ATAD2: variants seen among roughly 807,000 people sequenced by gnomAD.
ATAD2 encodes the protein ATPase family AAA domain-containing protein 2.
ATAD2 carries 62 observed loss-of-function variants against 168.9 expected under a neutral mutation model. The ratio of observed to expected loss-of-function variants is 0.37; its 90% confidence interval spans 0.30 to 0.45. ATAD2 has a LOEUF of 0.45. Ranked by LOEUF, ATAD2 falls within the 20% of genes least tolerant of loss-of-function variation. The probability of loss-of-function intolerance (pLI) is 1.00; values close to 1 mark genes in which losing one functional copy is unlikely to be tolerated. For synonymous variants in ATAD2, 613 were observed against 571.6 expected (o/e 1.07, Z -1.03); for missense variants, 1,419 against 1,667.8 (o/e 0.85, Z 2.60).
chr8:123,325,986 C>G lies in ATAD2; in HGVS notation c.3909G>C (p.Gln1303His). The G allele has an allele frequency of 6.2e-7, 1 of 1,614,100 alleles. No homozygotes were observed. The highest frequency in any genetic ancestry group is 1.1e-5 in the South Asian group (1 of 91,084). Residue 1303 changes from glutamine to histidine, a missense_variant, in exon 26 of 28, where the codon CAG becomes CAC. Gln to His is a conservative substitution (Grantham distance 24). Transcript: ENST00000287394. Reference sequence around the variant, plus strand: ...CAGTGATGAGCTGCTGCTGTTCTACCTGGGAACGTCTAGCTCGAGTCATTC... The same window carrying G: ...CAGTGATGAGCTGCTGCTGTTCTACGTGGGAACGTCTAGCTCGAGTCATTC... ...VLRMTRARRS[Q>H]VEQQQLITVE...
intron 8 of ATAD2, among the ~76,000 whole-genome samples, chr8:123,367,811 A>G (rs1163569031): frequency 6.6e-6 from 1 of 152,230 alleles, no homozygotes; most frequent in East Asian, 1.9e-4. Context: ...CAATGAAATG[A>G]AAAGACCTAG....
chr8:123,399,794 C>T (rs547786865), upstream of ATAD2, among the ~76,000 whole-genome samples: 180 of 151,812 alleles, frequency 1.2e-3, no homozygotes, highest in Admixed American at 3.2e-3. Context: ...GCAGAGGTTG[C>T]GGTGAGCCGA....
At chr8:123,359,513 TAAC>T in intron 10 of ATAD2, 61 bp downstream of exon 10, 1 of 1,455,708 alleles carries the variant, frequency 6.9e-7, no homozygotes, top group Admixed American at 2.2e-5. Flanking sequence ...TTCCTTTTTT[TAAC>T]TTTAAAACTA....
At chr8:123,347,578 G>A (rs889713356) in intron 15 of ATAD2, among the ~76,000 whole-genome samples, 172 bp from the exon 16 acceptor site, 1 of 152,030 alleles carries the variant, frequency 6.6e-6, no homozygotes, top group Non-Finnish European at 1.5e-5. Context: ...AAACTTATAG[G>A]GTAGTAATGG....
chr8:123,355,710 G>T (rs1378073115), intron 13 of ATAD2, among the ~76,000 whole-genome samples: 1 of 152,132 alleles, frequency 6.6e-6, no homozygotes, highest in Non-Finnish European at 1.5e-5. Context: ...TCAAGTCTGG[G>T]TAAGCTTCTG....
chr8:123,344,749 C>T (rs994604754), intron 19 of ATAD2, 135 bp downstream of exon 19: 2 of 926,158 alleles, frequency 2.2e-6, no homozygotes, highest in African/African-American at 1.6e-5. Context: ...CAAATAGTTA[C>T]CAATGGTATA....
chr8:123,359,781 A>C (rs1828757160), intron 9 of ATAD2, 96 bp from the exon 10 acceptor site: 1 of 842,760 alleles, frequency 1.2e-6, no homozygotes, highest in Admixed American at 3.1e-5. Flanking sequence ...TTAAAAAAAA[A>C]ATCTAAATTT....
rs554859900 is a variant in ATAD2, at chr8:123,345,586, G to A, written c.2532+500C>T. On this transcript the variant is annotated intron_variant, in intron 18 of 27. Transcript: ENST00000287394. ...AGTCCCAGCTACTCGGGAGGCTAAG[G>A]CAGGAGAATTGCTTGAACCCGGAAG... Among the ~76,000 whole-genome samples the A allele has an allele frequency of 2.6e-3, 392 of 151,388 alleles. 3 individuals carry two copies. The highest frequency in any genetic ancestry group is 9.2e-3 in the African/African-American group (375 of 40,752).
intron 26 of ATAD2, among the ~76,000 whole-genome samples, chr8:123,323,912 GAATTT>G (rs1219140441): frequency 5.9e-5 from 9 of 152,116 alleles, no homozygotes; most frequent in African/African-American, 1.4e-4. Context: ...TCTCAGTAAT[GAATTT>G]AATTGACTCT....
chr8:123,381,329 T>C (rs374583179), intron 1 of ATAD2, among the ~76,000 whole-genome samples: 207 of 152,014 alleles, frequency 1.4e-3, no homozygotes, highest in African/African-American at 4.8e-3. Context: ...CAAAACCCCA[T>C]CTCTACTAAA....
At chr8:123,353,179 A>T (rs1828528539) in intron 13 of ATAD2, among the ~76,000 whole-genome samples, 1 of 152,052 alleles carries the variant, frequency 6.6e-6, no homozygotes, top group African/African-American at 2.4e-5. Flanking sequence ...GCTTGGCCAA[A>T]ATGGCAAAAC....
chr8:123,401,596 C>A, intron 1 of ATAD2: 1 of 1,263,938 alleles, frequency 7.9e-7, no homozygotes, highest in Non-Finnish European at 1.1e-6. Flanking sequence ...TGTGGTTGCC[C>A]CCAGGGCACT....
intron 9 of ATAD2, among the ~76,000 whole-genome samples, chr8:123,360,410 C>T (rs933138381): frequency 6.6e-6 from 1 of 151,726 alleles, no homozygotes; most frequent in Non-Finnish European, 1.5e-5. Flanking sequence ...GGTGTGATCT[C>T]GGCTCGCTGC....
intron 26 of ATAD2, among the ~76,000 whole-genome samples, chr8:123,325,498 G>A (rs1827588335): frequency 6.6e-6 from 1 of 152,088 alleles, no homozygotes; most frequent in Admixed American, 6.6e-5. Flanking sequence ...GTGTTAGCCA[G>A]GATGGTCTCA....
intron 1 of ATAD2, among the ~76,000 whole-genome samples, chr8:123,407,746 G>A (rs913432936): frequency 6.6e-6 from 1 of 152,128 alleles, no homozygotes; most frequent in South Asian, 2.1e-4. Flanking sequence ...CCAGCTACTC[G>A]GGAGGCTGAG....
chr8:123,384,356 C>T (rs963472517), intron 1 of ATAD2, among the ~76,000 whole-genome samples: 2 of 152,160 alleles, frequency 1.3e-5, no homozygotes, highest in African/African-American at 4.8e-5. Flanking sequence ...AACCGATACA[C>T]AAAAACACAG....
Position 123,340,060 on chromosome 8 carries a change from T to C in ATAD2, c.2719-614A>G, listed in dbSNP as rs186693387. 7.9e-5 allele frequency among the ~76,000 whole-genome samples: 12 copies of C among 152,134 alleles called. No homozygotes were observed. The South Asian group carries it at 1.2e-3, about 16-fold the overall frequency. Reference sequence around the variant, plus strand: ...ACGCACCACCACACTCAGCTAATTTTTAAACTTTTTGTAGAGATAGGGTCT... The same window carrying C: ...ACGCACCACCACACTCAGCTAATTTCTAAACTTTTTGTAGAGATAGGGTCT... On this transcript the variant is annotated intron_variant, in intron 19 of 27. Transcript: ENST00000287394.
intron 4 of ATAD2, 86 bp downstream of exon 4, chr8:123,371,584 G>A (rs1210028601): frequency 4.0e-6 from 5 of 1,253,546 alleles, no homozygotes; most frequent in East Asian, 2.4e-5. Flanking sequence ...TGCATTAAAT[G>A]TTTGGGCTGG....
chr8:123,382,078 T>C (rs910841383), intron 1 of ATAD2, among the ~76,000 whole-genome samples: 3 of 151,838 alleles, frequency 2.0e-5, no homozygotes, highest in Non-Finnish European at 4.4e-5. Flanking sequence ...AAGATAGAAA[T>C]CAAAGTCAAA....
Sources: allele counts gnomAD v4.1 joint callset (sites outside exome capture counted in the v4.1 genomes callset), GRCh38; gene constraint gnomAD v4.1.1; transcripts MANE v1.5; gene names NCBI Gene and HGNC (gene_info 2026-07-23, HGNC 2026-07-21).